BACE2: variants seen among roughly 807,000 people sequenced by gnomAD.
BACE2 encodes 56 kDa aspartic-like protease.
A neutral mutation model predicts 46.2 loss-of-function variants in BACE2; 17 were observed. The observed-to-expected ratio is 0.37, with a 90% confidence interval of 0.25 to 0.55. The LOEUF (loss-of-function observed/expected upper bound fraction) is 0.55. BACE2 is among the 20% of genes least tolerant of loss of function. BACE2 has a pLI of 0.82. For missense variants in BACE2, 595 were observed against 698.1 expected (o/e 0.85, Z 1.66); for synonymous variants, 277 against 295.9 (o/e 0.94, Z 0.66).
intron 2 of BACE2, among the ~76,000 whole-genome samples, chr21:41,234,291 C>T (rs952855077): frequency 6.6e-6 from 1 of 152,176 alleles, no homozygotes; most frequent in Non-Finnish European, 1.5e-5. Flanking sequence ...CATTAAACTT[C>T]TTTCTCTTTA....
rs142412351 is a variant in BACE2 at position 41,282,450 on chromosome 21, G to T, written c.*6826G>T. 6.6e-6 allele frequency: 1 copy of T among 152,098 alleles called. No individual in the cohort carries two copies. The highest frequency in any genetic ancestry group is 1.9e-4 in the East Asian group (1 of 5,186). 9.4% of individuals were successfully genotyped at this position (152,098 alleles called of 1,614,324 possible). A position where few individuals can be genotyped will look rare whatever the true frequency, so the allele number is the denominator to read the frequency against. On this transcript the variant is annotated 3_prime_UTR_variant, in exon 9 of 9. Coordinates refer to ENST00000330333, the MANE Select transcript of BACE2 (RefSeq NM_012105.5). Reference sequence around the variant, plus strand: ...CTAAAATAATCTTATTTTTATACTTGTATGTTCCAGCAATTTAAGATATAT... The same window carrying T: ...CTAAAATAATCTTATTTTTATACTTTTATGTTCCAGCAATTTAAGATATAT...
intron 8 of BACE2, among the ~76,000 whole-genome samples, chr21:41,259,812 C>CT (rs199520090): frequency 8.6e-5 from 13 of 151,482 alleles, no homozygotes; most frequent in Admixed American, 3.3e-4. Context: ...CTTTTGTTTT[C>CT]TTTTTTTTCT....
At chr21:41,236,727 G>C (rs1279601348) in intron 2 of BACE2, 1 of 152,186 alleles carries the variant, frequency 6.6e-6, no homozygotes, top group Non-Finnish European at 1.5e-5. Flanking sequence ...CAGCTGCTGC[G>C]GGCACAGGCT....
At chr21:41,242,127 G>A (rs1448067748) in intron 4 of BACE2, among the ~76,000 whole-genome samples, 180 bp downstream of exon 4, 1 of 151,888 alleles carries the variant, frequency 6.6e-6, no homozygotes, top group African/African-American at 2.4e-5. Flanking sequence ...AATCCTTTAT[G>A]TCATCCTGCC....
intron 1 of BACE2, among the ~76,000 whole-genome samples, chr21:41,195,652 C>G (rs1022331133): frequency 1.3e-5 from 2 of 152,176 alleles, no homozygotes; most frequent in African/African-American, 2.4e-5. Context: ...GGTGGGGAAA[C>G]AGCAGTAAAT....
At chr21:41,180,600 G>A (rs987960180) in intron 1 of BACE2, 2 of 167,006 alleles carry the variant, frequency 1.2e-5, no homozygotes, top group African/African-American at 2.4e-5. Context: ...TTACTAAGAG[G>A]TTAAAGAAGC....
chr21:41,179,967 C>A (rs1985050942), intron 1 of BACE2: 2 of 355,106 alleles, frequency 5.6e-6, no homozygotes, highest in Non-Finnish European at 1.1e-5. Context: ...CAAGGGCAAG[C>A]CAGTGGTGTT....
In BACE2 at chr21:41,175,826, T is replaced by C. The variant is rs181994676; in HGVS notation, c.312+7251T>C. On this transcript the variant is annotated intron_variant, in intron 1 of 8. Coordinates refer to ENST00000330333, the MANE Select transcript of BACE2 (RefSeq NM_012105.5). The stretch of plus-strand genomic sequence containing the variant: ...CAGGAAAGTGGCTTCTTGGTGGAGG[T>C]GGGCATGAATTCCAGAAGCCTTGGA... 4 of 152,284 alleles carry C rather than the reference T, an allele frequency of 2.6e-5. No homozygotes were observed. The East Asian group carries it at 7.7e-4, about 29-fold the overall frequency. 9.4% of individuals were successfully genotyped at this position (152,284 alleles called of 1,614,324 possible).
At chr21:41,273,648 C>T (rs1341213717) in intron 8 of BACE2, among the ~76,000 whole-genome samples, 2 of 152,118 alleles carry the variant, frequency 1.3e-5, no homozygotes, top group African/African-American at 4.8e-5. Flanking sequence ...ACAATTTGTG[C>T]AGTTAACACA....
chr21:41,266,533 G>T (rs77170853), intron 8 of BACE2, among the ~76,000 whole-genome samples: 1 of 152,262 alleles, frequency 6.6e-6, no homozygotes, highest in Admixed American at 6.5e-5. Context: ...CAGGTTGTGC[G>T]AATTTAGATG....
chr21:41,247,072 G>A (rs1319541779), intron 6 of BACE2, among the ~76,000 whole-genome samples: 1 of 152,154 alleles, frequency 6.6e-6, no homozygotes, highest in Non-Finnish European at 1.5e-5. Context: ...CCTGTACTGC[G>A]GCCCTGGCGT....
At chr21:41,215,878 C>T (rs999901719) in intron 1 of BACE2, among the ~76,000 whole-genome samples, 1 of 149,818 alleles carries the variant, frequency 6.7e-6, no homozygotes, top group African/African-American at 2.5e-5. Flanking sequence ...AGGGACATGG[C>T]CCAGGGCTAG....
At chr21:41,220,211 G>A (rs976910249) in intron 1 of BACE2, among the ~76,000 whole-genome samples, 1 of 152,080 alleles carries the variant, frequency 6.6e-6, no homozygotes, top group African/African-American at 2.4e-5. Context: ...GAACTTCCGT[G>A]CCCCCCCTGT....
intron 1 of BACE2, chr21:41,175,881 G>A (rs990196759): frequency 6.6e-6 from 1 of 152,162 alleles, no homozygotes; most frequent in Admixed American, 6.5e-5. Flanking sequence ...CCACTACATC[G>A]TGCTGCCTCC....
At chr21:41,203,489 G>T (rs1033068156) in intron 1 of BACE2, among the ~76,000 whole-genome samples, 1 of 152,100 alleles carries the variant, frequency 6.6e-6, no homozygotes, top group Non-Finnish European at 1.5e-5. Context: ...TGAGGAAGGT[G>T]GGGGAGTGCT....
chr21:41,272,321 G>C (rs543320094), intron 8 of BACE2, among the ~76,000 whole-genome samples: 1 of 151,816 alleles, frequency 6.6e-6, no homozygotes, highest in Admixed American at 6.6e-5. Context: ...GGGGTCCTTT[G>C]GGCTTCTTGG....
At chr21:41,254,148 A>G (rs944381380) in intron 7 of BACE2, among the ~76,000 whole-genome samples, 1 of 152,252 alleles carries the variant, frequency 6.6e-6, no homozygotes, top group African/African-American at 2.4e-5. Context: ...AAAAGAGTCA[A>G]TTCGAAAGCA....
At chr21:41,205,787 A>C (rs895834343) in intron 1 of BACE2, among the ~76,000 whole-genome samples, 1 of 152,220 alleles carries the variant, frequency 6.6e-6, no homozygotes, top group Non-Finnish European at 1.5e-5. Context: ...GAAAACTGTT[A>C]TGAAAGAGAA....
intron 8 of BACE2, among the ~76,000 whole-genome samples, chr21:41,270,509 T>C (rs2088423652): frequency 1.3e-5 from 2 of 152,138 alleles, no homozygotes; most frequent in South Asian, 4.1e-4. Context: ...CTCCATCTCC[T>C]GGCCTCAAGT....
Sources: allele counts gnomAD v4.1 joint callset (sites outside exome capture counted in the v4.1 genomes callset), GRCh38; gene constraint gnomAD v4.1.1; transcripts MANE v1.5; gene names NCBI Gene and HGNC (gene_info 2026-07-23, HGNC 2026-07-21).